The following EXT2 variants were observed in gnomAD, a reference collection of about 807,000 sequenced individuals.
EXT2 encodes the protein exostosin glycosyltransferase 2, also known as exostosin-2.
EXT2 carries 53 observed loss-of-function variants against 81.6 expected under a neutral mutation model. The ratio of observed to expected loss-of-function variants is 0.65; its 90% CI spans 0.52 to 0.82. EXT2 has a LOEUF of 0.82. Ranked by LOEUF, EXT2 falls within the 40% of genes least tolerant of loss-of-function variation. EXT2 has a pLI of 0.00. For missense variants in EXT2, 774 were observed against 910.2 expected, an observed-to-expected ratio of 0.85 and a Z score of 1.93; for synonymous variants, 320 against 340.0, an observed-to-expected ratio of 0.94 and a Z score of 0.65.
chr11:44,147,115 G>T (rs913549882), intron 7 of EXT2, among the ~76,000 whole-genome samples: 3 of 152,158 alleles, frequency 2.0e-5, no homozygotes, highest in African/African-American at 7.2e-5. Context: ...AGATGCATCA[G>T]CTAGATCAAC....
intron 7 of EXT2, among the ~76,000 whole-genome samples, chr11:44,164,951 T>A (rs1028569337): frequency 2.0e-5 from 3 of 149,524 alleles, no homozygotes; most frequent in African/African-American, 7.4e-5. Context: ...GGATCTCGGC[T>A]CACTGCAAGC....
At chr11:44,237,404 T>C (rs1043725807) in intron 13 of EXT2, among the ~76,000 whole-genome samples, 1 of 152,160 alleles carries the variant, frequency 6.6e-6, no homozygotes, top group African/African-American at 2.4e-5. Context: ...CAGCTGTTGA[T>C]GTGAAATAAT....
chr11:44,171,178 T>C (rs999186999), intron 7 of EXT2, among the ~76,000 whole-genome samples: 2 of 152,210 alleles, frequency 1.3e-5, no homozygotes, highest in African/African-American at 4.8e-5. Flanking sequence ...GACTGGGAAA[T>C]AGCATGAGGG....
At chr11:44,145,549 C>T (rs1954705263) in intron 7 of EXT2, among the ~76,000 whole-genome samples, 1 of 152,042 alleles carries the variant, frequency 6.6e-6, no homozygotes, top group South Asian at 2.1e-4. Flanking sequence ...AAGGGAAGGG[C>T]CAAATTAACA....
chr11:44,140,066 AG>A (rs1191025834), intron 7 of EXT2, among the ~76,000 whole-genome samples: 1 of 152,194 alleles, frequency 6.6e-6, no homozygotes. Context: ...TAGGCAAAAG[AG>A]GGTTTTCCAA....
At chr11:44,124,444 TAC>T (rs57261356) in intron 4 of EXT2, among the ~76,000 whole-genome samples, 55,244 of 144,808 alleles carry the variant, frequency 0.38, 11,193 homozygotes, top group East Asian at 0.73. Flanking sequence ...GTTTCTCTCC[TAC>T]ACACACACAC....
At chr11:44,198,384 A>T (rs1185762744) in intron 9 of EXT2, among the ~76,000 whole-genome samples, 1 of 136,446 alleles carries the variant, frequency 7.3e-6, no homozygotes, top group African/African-American at 3.0e-5. Context: ...GTACTTTCTC[A>T]AAAAAAAAAA....
intron 7 of EXT2, among the ~76,000 whole-genome samples, chr11:44,160,693 A>G (rs1357406845): frequency 6.6e-6 from 1 of 152,210 alleles, no homozygotes; most frequent in Non-Finnish European, 1.5e-5. Flanking sequence ...AATAATCTGG[A>G]CTGTGAGAAG....
chr11:44,237,330 ACT>A (rs1294622541), intron 13 of EXT2, among the ~76,000 whole-genome samples: 1 of 151,942 alleles, frequency 6.6e-6, no homozygotes, highest in Non-Finnish European at 1.5e-5. Context: ...ATAATGTTTT[ACT>A]CTCTAAATAA....
rs144138847 is a variant in EXT2, at chr11:44,202,625, C to CA, written c.1496-4162dup. Among the ~76,000 whole-genome samples the CA allele has an allele frequency of 7.8e-3, 1,193 of 152,190 alleles. 14 individuals carry two copies. The highest frequency in any genetic ancestry group is 0.028 in the African/African-American group (1,154 of 41,530). Reference sequence around the variant, plus strand: ...CACTTTGACACTGCTACCTAGGGTTCAAAAAATGCTCTGGTTCTGTAGGTA... The same window carrying CA: ...CACTTTGACACTGCTACCTAGGGTTCAAAAAAATGCTCTGGTTCTGTAGGTA... On this transcript the variant is annotated intron_variant, in intron 9 of 13. Coordinates refer to ENST00000533608, the MANE Select transcript of EXT2 (RefSeq NM_207122.2).
chr11:44,235,225 CTTTTT>C (rs35214626), intron 12 of EXT2, among the ~76,000 whole-genome samples: 13 of 50,766 alleles, frequency 2.6e-4, no homozygotes, highest in Non-Finnish European at 3.9e-4. Flanking sequence ...CCCAAATTTG[CTTTTT>C]TTTTTTTTTT....
At chr11:44,157,520 T>G (rs1954871348) in intron 7 of EXT2, among the ~76,000 whole-genome samples, 1 of 152,160 alleles carries the variant, frequency 6.6e-6, no homozygotes, top group Non-Finnish European at 1.5e-5. Context: ...CCTTGGCCCA[T>G]GGCAAGTACA....
At chr11:44,216,098 G>T in intron 10 of EXT2, among the ~76,000 whole-genome samples, 1 of 151,648 alleles carries the variant, frequency 6.6e-6, no homozygotes, top group Non-Finnish European at 1.5e-5. Context: ...GGATGGTCTC[G>T]ATCTCCTGAC....
chr11:44,101,955 A>G, intron 1 of EXT2, among the ~76,000 whole-genome samples: 1 of 151,890 alleles, frequency 6.6e-6, no homozygotes, highest in Middle Eastern at 3.4e-3. Flanking sequence ...AAAAAAAAAA[A>G]AAAAAAAAAA....
chr11:44,167,056 A>G (rs1955004386), intron 7 of EXT2, among the ~76,000 whole-genome samples: 1 of 152,244 alleles, frequency 6.6e-6, no homozygotes, highest in South Asian at 2.1e-4. Context: ...TGAGCTACAT[A>G]GTCACTCTGG....
At chr11:44,226,783 G>T (rs1429356009) in intron 10 of EXT2, among the ~76,000 whole-genome samples, 1 of 152,250 alleles carries the variant, frequency 6.6e-6, no homozygotes, top group East Asian at 1.9e-4. Context: ...CTTGTGCTCT[G>T]TCTTGGCTGA....
chr11:44,142,890 C>A (rs919313838), intron 7 of EXT2, among the ~76,000 whole-genome samples: 1 of 152,210 alleles, frequency 6.6e-6, no homozygotes, highest in African/African-American at 2.4e-5. Context: ...CTTTGCCTAG[C>A]AAGCTATAAA....
intron 9 of EXT2, among the ~76,000 whole-genome samples, chr11:44,205,771 C>A (rs1370887532): frequency 6.6e-6 from 1 of 152,166 alleles, no homozygotes; most frequent in East Asian, 1.9e-4. Flanking sequence ...GACTTCAAGA[C>A]CCACAGAAAT....
chr11:44,097,914 A>G (rs1011880412), intron 1 of EXT2, among the ~76,000 whole-genome samples: 1 of 152,256 alleles, frequency 6.6e-6, no homozygotes, highest in African/African-American at 2.4e-5. Context: ...TTTTAGGAAT[A>G]AATAATTCCA....
Sources: allele counts gnomAD v4.1 joint callset (sites outside exome capture counted in the v4.1 genomes callset), GRCh38; gene constraint gnomAD v4.1.1; transcripts MANE v1.5; gene names NCBI Gene and HGNC (gene_info 2026-07-23, HGNC 2026-07-21).